DAB2IP: variants seen among roughly 807,000 people sequenced by gnomAD.
The protein encoded by DAB2IP is disabled homolog 2-interacting protein.
DAB2IP carries 28 observed loss-of-function variants against 107.2 expected under a neutral mutation model. The ratio of observed to expected loss-of-function variants is 0.26; its 90% CI spans 0.19 to 0.36. The LOEUF is 0.36. Among genes scored for constraint, DAB2IP ranks in the 10% least tolerant of loss-of-function variants. The pLI is 1.00. For synonymous variants in DAB2IP, 755 were observed against 706.4 expected, an observed-to-expected ratio of 1.07 and a Z score of -1.09; for missense variants, 1,400 against 1,644.7, an observed-to-expected ratio of 0.85 and a Z score of 2.57.
At chr9:121,762,139 TC>T (rs1444407029) in intron 6 of DAB2IP, among the ~76,000 whole-genome samples, 1 of 152,166 alleles carries the variant, frequency 6.6e-6, no homozygotes, top group Non-Finnish European at 1.5e-5. Context: ...TAGCCCCTCT[TC>T]CGTCTCCACG....
intron 3 of DAB2IP, among the ~76,000 whole-genome samples, chr9:121,705,133 T>C (rs78864024): frequency 0.032 from 4,899 of 152,334 alleles, 255 homozygotes; most frequent in African/African-American, 0.11. Flanking sequence ...TCCCAAGATC[T>C]GAGCTGGGCA....
At chr9:121,715,536 G>A (rs190100423) in intron 3 of DAB2IP, among the ~76,000 whole-genome samples, 190 of 151,858 alleles carry the variant, frequency 1.3e-3, no homozygotes, top group African/African-American at 4.3e-3. Context: ...TGTATTTTTA[G>A]TACAGACAGG....
intron 1 of DAB2IP, among the ~76,000 whole-genome samples, chr9:121,621,085 T>G (rs1343446902): frequency 6.6e-6 from 1 of 152,074 alleles, no homozygotes; most frequent in East Asian, 1.9e-4. Flanking sequence ...TTTCCTTCCT[T>G]CCCTTCCCTT....
intron 1 of DAB2IP, among the ~76,000 whole-genome samples, chr9:121,675,277 G>C (rs557637795): frequency 2.6e-5 from 4 of 152,166 alleles, no homozygotes; most frequent in South Asian, 2.1e-4. Context: ...ATTCTAGGGA[G>C]GGGGAGAGCA....
intron 1 of DAB2IP, among the ~76,000 whole-genome samples, chr9:121,596,884 T>TA (rs1182374753): frequency 6.6e-6 from 1 of 152,186 alleles, no homozygotes; most frequent in African/African-American, 2.4e-5. Flanking sequence ...AGACTCCAGG[T>TA]CCCTACTGTC....
At chr9:121,581,358 G>T (rs1352516136) in intron 1 of DAB2IP, among the ~76,000 whole-genome samples, 4 of 152,236 alleles carry the variant, frequency 2.6e-5, no homozygotes, top group African/African-American at 9.6e-5. Flanking sequence ...GCAGCCCAGT[G>T]CATGCTCAAC....
chr9:121,640,145 T>C (rs12236753), intron 1 of DAB2IP, among the ~76,000 whole-genome samples: 6,932 of 152,224 alleles, frequency 0.046, 256 homozygotes, highest in East Asian at 0.15. Context: ...CCAGGAGCCC[T>C]GGGAGTCCTG....
In DAB2IP at chr9:121,773,187, G is replaced by A. The variant is rs199598085; in HGVS notation, c.2659G>A (p.Gly887Ser). 130 of 1,590,214 alleles carry A rather than the reference G, an allele frequency of 8.2e-5. No individual in the cohort carries two copies. In the African/African-American group the frequency reaches 1.4e-3, roughly 17 times the overall value. The change falls in exon 12 of 16, where the codon GGT becomes AGT. Residue 887 changes from glycine to serine, a missense_variant. Transcript: ENST00000408936. ...CGCGGAGGAGCTGGCTCGGCGGCCC[G>A]GTGAGCTGGCACGGCGACAGATGTC...
Position 121,701,748 on chromosome 9 carries a change from A to G in DAB2IP, c.362+2290A>G, listed in dbSNP as rs963486741. ...ATTTGGAGTTCAGTGAGTAAAAACA[A>G]CTATGGTGACCCCGCCCGCCCCCCA... is the stretch of plus-strand genomic sequence containing the variant. On this transcript the variant is annotated intron_variant, in intron 3 of 15. Coordinates refer to ENST00000408936, the Ensembl canonical transcript of DAB2IP. The surrounding 1 kb of genome is among the most constrained non-coding windows in gnomAD (Gnocchi z 4.7). Among the ~76,000 whole-genome samples, 13 of 152,132 alleles carry G rather than the reference A, an allele frequency of 8.5e-5. No homozygotes were observed. Among genetic ancestry groups the G allele is most frequent in the African/African-American group, 2.9e-4 (12 of 41,422 alleles).
At chr9:121,573,468 T>G (rs934512971) in intron 1 of DAB2IP, among the ~76,000 whole-genome samples, 5 of 152,006 alleles carry the variant, frequency 3.3e-5, no homozygotes, top group African/African-American at 4.8e-5. Context: ...CACTGCAACC[T>G]CCACCTCCTG....
At chr9:121,707,316 G>A (rs1030231936) in intron 3 of DAB2IP, among the ~76,000 whole-genome samples, 12 of 152,188 alleles carry the variant, frequency 7.9e-5, no homozygotes, top group African/African-American at 2.9e-4. Flanking sequence ...GAAGGTTTTT[G>A]CCACCTCCAC....
intron 1 of DAB2IP, among the ~76,000 whole-genome samples, chr9:121,627,791 C>A (rs1831717684): frequency 6.6e-6 from 1 of 152,174 alleles, no homozygotes; most frequent in African/African-American, 2.4e-5. Context: ...GTTTAAATTT[C>A]TTTTTTAAAG....
chr9:121,632,798 A>G (rs2119019452), intron 1 of DAB2IP, among the ~76,000 whole-genome samples: 1 of 152,356 alleles, frequency 6.6e-6, no homozygotes, highest in Admixed American at 6.5e-5. Flanking sequence ...CCAGCGTCCC[A>G]CTGTGAGTGA....
At chr9:121,594,641 G>A (rs1029991824) in intron 1 of DAB2IP, among the ~76,000 whole-genome samples, 1 of 152,096 alleles carries the variant, frequency 6.6e-6, no homozygotes, top group African/African-American at 2.4e-5. Flanking sequence ...ATCCCTTTTG[G>A]TTTCTGAGTT....
chr9:121,637,502 C>G (rs1439422035), intron 1 of DAB2IP, among the ~76,000 whole-genome samples: 1 of 152,202 alleles, frequency 6.6e-6, no homozygotes, highest in East Asian at 1.9e-4. Flanking sequence ...AGGGTCTCCC[C>G]TGCTGTAAAA....
Position 121,656,276 on chromosome 9 carries a change from G to A in DAB2IP, c.124+4377G>A, listed in dbSNP as rs528669286. Among the ~76,000 whole-genome samples the A allele has an allele frequency of 3.9e-5, 6 of 152,028 alleles. No individual in the cohort carries two copies. The South Asian group carries it at 8.3e-4, about 21-fold the overall frequency. On this transcript the variant is annotated intron_variant, in intron 1 of 15. Transcript: ENST00000408936. ...ACCCGCCTCGGCCTCCCAAAGTGCT[G>A]GGATTACAGGCATGAGCCACCGTGC...
intron 1 of DAB2IP, among the ~76,000 whole-genome samples, chr9:121,597,278 G>A (rs894387045): frequency 6.6e-6 from 1 of 152,176 alleles, no homozygotes; most frequent in African/African-American, 2.4e-5. Context: ...ACCTGGAACT[G>A]ATCTTTTATG....
chr9:121,632,126 G>T (rs368964903), intron 1 of DAB2IP, among the ~76,000 whole-genome samples: 1 of 152,200 alleles, frequency 6.6e-6, no homozygotes, highest in Admixed American at 6.5e-5. Flanking sequence ...GGGACTGACC[G>T]CCTGGGTTTG....
At chr9:121,569,774 T>G (rs1265137548) in intron 1 of DAB2IP, among the ~76,000 whole-genome samples, 1 of 152,214 alleles carries the variant, frequency 6.6e-6, no homozygotes, top group African/African-American at 2.4e-5. Context: ...TGAGCCAAGA[T>G]CACGCTGCTG....
Sources: allele counts gnomAD v4.1 joint callset (sites outside exome capture counted in the v4.1 genomes callset), GRCh38; gene constraint gnomAD v4.1.1; non-coding constraint Gnocchi (gnomAD v3.1); transcripts MANE v1.5; gene names NCBI Gene and HGNC (gene_info 2026-07-23, HGNC 2026-07-21).